NLRX1: variants seen among roughly 807,000 people sequenced by gnomAD.
NLRX1 encodes the protein NOD-like receptor X1.
A neutral mutation model predicts 74.2 loss-of-function variants in NLRX1; 67 were observed. That is an observed-to-expected ratio of 0.90 (90% CI 0.74 to 1.11). The LOEUF (loss-of-function observed/expected upper bound fraction) is 1.11, where lower values mean the gene tolerates loss of function less well. NLRX1 is among the 50% of genes least tolerant of loss of function. The pLI is 0.00. For synonymous variants in NLRX1, 506 were observed against 559.1 expected, an observed-to-expected ratio of 0.91 and a Z score of 1.34; for missense variants, 1,191 against 1,305.4, an observed-to-expected ratio of 0.91 and a Z score of 1.35.
At chr11:119,180,821 A>G (rs1948819540) in intron 7 of NLRX1, among the ~76,000 whole-genome samples, 1 of 152,006 alleles carries the variant, frequency 6.6e-6, no homozygotes, top group Non-Finnish European at 1.5e-5. Context: ...CAGAAGCATC[A>G]CTTGAGCCTA....
rs571556746 is a variant in NLRX1, at chr11:119,183,926, C to A, written c.*487C>A. ...GGTGCTTTCTCCTCATCCTCATGCC[C>A]CCTTTGCCACAATGGTATGATGGCT... On this transcript the variant is annotated 3_prime_UTR_variant, in exon 10 of 10. Coordinates refer to ENST00000409109, the MANE Select transcript of NLRX1 (RefSeq NM_001282144.2). This position sits in a 1 kb window ranked among gnomAD's most constrained non-coding sequence, Gnocchi z 5.7. The A allele has an allele frequency of 1.3e-6, 1 of 780,290 alleles. No homozygotes were observed. The highest frequency in any genetic ancestry group is 1.7e-5 in the Admixed American group (1 of 58,944). 48.3% of individuals were successfully genotyped at this position (780,290 alleles called of 1,614,324 possible). A position where few individuals can be genotyped will look rare whatever the true frequency, so the allele number is the denominator to read the frequency against.
chr11:119,183,928 C>T lies in NLRX1; in HGVS notation c.*489C>T. The T allele has an allele frequency of 1.3e-6, 1 of 780,278 alleles. No individual in the cohort carries two copies. The highest frequency in any genetic ancestry group is 2.4e-6 in the Non-Finnish European group (1 of 417,722). 48.3% of individuals were successfully genotyped at this position (780,278 alleles called of 1,614,324 possible). ...TGCTTTCTCCTCATCCTCATGCCCCCTTTGCCACAATGGTATGATGGCTTG... is the reference window on the plus strand; with the variant it reads ...TGCTTTCTCCTCATCCTCATGCCCCTTTTGCCACAATGGTATGATGGCTTG... On this transcript the variant is annotated 3_prime_UTR_variant, in exon 10 of 10. Transcript: ENST00000409109. The surrounding 1 kb of genome is among the most constrained non-coding windows in gnomAD (Gnocchi z 5.7).
In NLRX1 at chr11:119,172,420, C is replaced by A; in HGVS notation, c.135C>A (p.Pro45=). Residue 45 remains proline (P), a synonymous_variant, in exon 3 of 10, where the codon CCC becomes CCA. Coordinates refer to ENST00000409109, the MANE Select transcript of NLRX1 (RefSeq NM_001282144.2). ...TTCAAGGGGAGCGTCCCTTTGGGCC[C>A]CCTAGGTGAGGCCTGGGTGTCATAC... ...WPLQGERPFG[P]PRAFIRHHGS... The A allele has an allele frequency of 1.2e-6, 2 of 1,612,014 alleles. No individual in the cohort carries two copies. Among genetic ancestry groups the A allele is most frequent in the Non-Finnish European group, 1.7e-6 (2 of 1,178,088 alleles).
chr11:119,171,462 T>A lies in NLRX1; in HGVS notation c.59T>A (p.Leu20His). Reference sequence around the variant, plus strand: ...TGGGGCTCTGGTTTTAGAAGAGCACTCCAGCGACCAGGTGAGCAGGAAGCA... The same window carrying A: ...TGGGGCTCTGGTTTTAGAAGAGCACACCAGCGACCAGGTGAGCAGGAAGCA... ...ASWGSGFRRA[L>H]QRPDDRIPFL... Residue 20 changes from leucine to histidine, a missense_variant, in exon 2 of 10, where the codon CTC becomes CAC. Transcript: ENST00000409109. 1 of 1,613,078 alleles carries A rather than the reference T, an allele frequency of 6.2e-7. No individual in the cohort carries two copies. Among genetic ancestry groups the A allele is most frequent in the Non-Finnish European group, 8.5e-7 (1 of 1,179,068 alleles).
rs748572091 is a variant in NLRX1, at chr11:119,172,938, G to A, written c.178G>A (p.Ala60Thr). 24 of 1,613,766 alleles carry A rather than the reference G, an allele frequency of 1.5e-5. No individual in the cohort carries two copies. Among genetic ancestry groups the A allele is most frequent in the East Asian group, 6.7e-5 (3 of 44,850 alleles). Reference protein sequence around the residue: ...IRHHGSSVDSAPPPGRHGRLF... With the variant: ...IRHHGSSVDSTPPPGRHGRLF... The stretch of plus-strand genomic sequence containing the variant: ...CCACCACGGAAGCTCGGTAGATAGC[G>A]CTCCCCCACCCGGGAGGCATGGACG... Residue 60 changes from alanine to threonine, a missense_variant, in exon 4 of 10, where the codon GCT (alanine) becomes ACT (threonine). Ala to Thr is a moderately conservative substitution (Grantham distance 58). Transcript: ENST00000409109.
intron 6 of NLRX1, among the ~76,000 whole-genome samples, chr11:119,176,087 G>A (rs2135173893): frequency 6.6e-6 from 1 of 152,302 alleles, no homozygotes; most frequent in East Asian, 1.9e-4. Flanking sequence ...TGCTCTTTCT[G>A]CCAAACTATA....
chr11:119,179,633 C>A (rs1948779300), intron 6 of NLRX1, 60 bp from the exon 7 acceptor site: 5 of 1,460,958 alleles, frequency 3.4e-6, no homozygotes, highest in South Asian at 1.3e-5. Flanking sequence ...TTAAGCTGAA[C>A]CTTGAAGGCT....
chr11:119,177,205 C>T (rs1948721055), intron 6 of NLRX1, among the ~76,000 whole-genome samples: 1 of 151,868 alleles, frequency 6.6e-6, no homozygotes, highest in South Asian at 2.1e-4. Context: ...GCTCAGCCTC[C>T]CAAGTAGCTG....
intron 1 of NLRX1, among the ~76,000 whole-genome samples, chr11:119,169,670 G>A (rs898881970): frequency 1.3e-5 from 2 of 152,222 alleles, no homozygotes; most frequent in African/African-American, 4.8e-5. Context: ...ACTTCCCAGG[G>A]ACGGAGACTT....
chr11:119,168,835 C>T lies in NLRX1; in HGVS notation c.-516C>T, dbSNP rs1404788969. ...ACCGGGCCCCTCTCGCTGACCCCCT[C>T]GTCCCAGGACCCCGCAGGCCCGAGT... On this transcript the variant is annotated 5_prime_UTR_variant, in exon 1 of 10. Coordinates refer to ENST00000409109, the MANE Select transcript of NLRX1 (RefSeq NM_001282144.2). 6.6e-6 allele frequency: 1 copy of T among 152,256 alleles called. No homozygotes were observed. Among genetic ancestry groups the T allele is most frequent in the Non-Finnish European group, 1.5e-5 (1 of 68,074 alleles). The allele number at this position is 152,256 out of a possible 1,614,324, so 9.4% of individuals were successfully genotyped here. A position where few individuals can be genotyped will look rare whatever the true frequency, so the allele number is the denominator to read the frequency against.
intron 6 of NLRX1, among the ~76,000 whole-genome samples, chr11:119,177,222 C>T (rs1005581412): frequency 8.6e-5 from 13 of 151,854 alleles, no homozygotes; most frequent in African/African-American, 3.1e-4. Flanking sequence ...GCTGGGACTA[C>T]AGGCACCTGC....
In NLRX1 at chr11:119,183,179, G is replaced by A. The variant is rs943587010; in HGVS notation, c.2668G>A (p.Ala890Thr). 1.2e-6 allele frequency: 2 copies of A among 1,614,094 alleles called. No individual in the cohort carries two copies. The highest frequency in any genetic ancestry group is 2.7e-5 in the African/African-American group (2 of 74,942). ...RQVLRDLGGA[A>T]EGGARVVVSL... ...GGTCTTGCGAGACTTGGGGGGTGCT[G>A]CTGAAGGTGGTGCCCGGGTGGTGGT... The change falls in exon 10 of 10, where the codon GCT becomes ACT. Residue 890 changes from alanine (A) to threonine (T), a missense_variant. Physicochemically the swap from Ala to Thr is moderately conservative, Grantham distance 58 (BLOSUM62 0). Coordinates refer to ENST00000409109, the MANE Select transcript of NLRX1 (RefSeq NM_001282144.2). This position sits in a 1 kb window ranked among gnomAD's most constrained non-coding sequence, Gnocchi z 5.7.
At position 119,180,064 on chromosome 11, in the gene NLRX1, C is replaced by A. The variant is rs753163071; in HGVS notation, c.2043C>A (p.Phe681Leu). 1.2e-6 allele frequency: 2 copies of A among 1,613,694 alleles called. No homozygotes were observed. Among genetic ancestry groups the A allele is most frequent in the South Asian group, 2.2e-5 (2 of 91,086 alleles). Residue 681 changes from phenylalanine (F) to leucine (L), a missense_variant, in exon 7 of 10, where the codon TTC (phenylalanine) becomes TTA (leucine). Physicochemically the swap from Phe to Leu is conservative, Grantham distance 22. Transcript: ENST00000409109. The part of the protein sequence containing the change: ...PPSELLDHLF[F>L]HYEFQNQRFS... Reference sequence around the variant, plus strand: ...CAGAGCTCCTTGACCACCTCTTCTTCCACTATGAGTTCCAGAACCAGCGCT... The same window carrying A: ...CAGAGCTCCTTGACCACCTCTTCTTACACTATGAGTTCCAGAACCAGCGCT...
rs775612228 is a variant in NLRX1, at chr11:119,182,325, C to T, written c.2586C>T (p.His862=). ...CCCTGGCCAGAGCTGCCCGGGAGCA[C>T]CCTTCCCTGGAACTGCTACAGTGAG... is the stretch of plus-strand genomic sequence containing the variant. The part of the protein sequence containing the change: ...ALALARAARE[H]PSLELLHLYF... The change falls in exon 9 of 10, where the codon CAC becomes CAT. Residue 862 remains histidine, a synonymous_variant. Coordinates refer to ENST00000409109, the MANE Select transcript of NLRX1 (RefSeq NM_001282144.2). 1 of 1,612,788 alleles carries T rather than the reference C, an allele frequency of 6.2e-7. No individual in the cohort carries two copies. Among genetic ancestry groups the T allele is most frequent in the South Asian group, 1.1e-5 (1 of 91,026 alleles).
rs1289028424 is a variant in NLRX1 at position 119,174,053 on chromosome 11, A to C, written c.804A>C (p.Pro268=). The change falls in exon 5 of 10, where the codon CCA becomes CCC. Residue 268 remains proline, a synonymous_variant. Transcript: ENST00000409109. ...GTGACCCGGAGGAACCGCAGGAACCAGCTGCTATCATCGTCAACCTGCTGC... is the reference window on the plus strand; with the variant it reads ...GTGACCCGGAGGAACCGCAGGAACCCGCTGCTATCATCGTCAACCTGCTGC... ...LCSDPEEPQE[P]AAIIVNLLRK... 6.2e-7 allele frequency: 1 copy of C among 1,614,048 alleles called. No individual in the cohort carries two copies. Among genetic ancestry groups the C allele is most frequent in the Admixed American group, 1.7e-5 (1 of 60,006 alleles).
chr11:119,180,028 G>A lies in NLRX1; in HGVS notation c.2007G>A (p.Val669=), dbSNP rs749527926. The A allele has an allele frequency of 1.2e-6, 2 of 1,613,656 alleles. No individual in the cohort carries two copies. The highest frequency in any genetic ancestry group is 1.3e-5 in the African/African-American group (1 of 75,088). ...AGCTGGGCAAGCTGGGCCGGCAGGT[G>A]CTGCCCCCATCAGAGCTCCTTGACC... ...KKKLGKLGRQ[V]LPPSELLDHL... Residue 669 remains valine, a synonymous_variant, in exon 7 of 10, where the codon GTG becomes GTA. Transcript: ENST00000409109.
chr11:119,169,103 G>T lies in NLRX1; in HGVS notation c.-248G>T, dbSNP rs1025847193. 5 of 152,544 alleles carry T rather than the reference G, an allele frequency of 3.3e-5. No homozygotes were observed. Among genetic ancestry groups the T allele is most frequent in the Non-Finnish European group, 5.9e-5 (4 of 68,298 alleles). 9.4% of individuals were successfully genotyped at this position (152,544 alleles called of 1,614,324 possible). ...TGGCTGGGAGGCCGCGCTGAGCGGG[G>T]GGCAGGGCGGGCCGGGGGAGGAGGC... On this transcript the variant is annotated 5_prime_UTR_variant, in exon 1 of 10. Coordinates refer to ENST00000409109, the MANE Select transcript of NLRX1 (RefSeq NM_001282144.2).
chr11:119,174,671 G>A lies in NLRX1; in HGVS notation c.1068G>A (p.Arg356=). The part of the protein sequence containing the change: ...QRDHLVQMLS[R]NLEGHHQIAA... ...ACCACCTGGTGCAGATGCTCTCCCGGAACCTGGAGGGGCACCACCAGATAG... is the reference window on the plus strand; with the variant it reads ...ACCACCTGGTGCAGATGCTCTCCCGAAACCTGGAGGGGCACCACCAGATAG... Residue 356 remains arginine, a synonymous_variant, in exon 6 of 10, where the codon CGG becomes CGA. Transcript: ENST00000409109. The A allele has an allele frequency of 6.2e-7, 1 of 1,613,988 alleles. No individual in the cohort carries two copies. The highest frequency in any genetic ancestry group is 8.5e-7 in the Non-Finnish European group (1 of 1,180,044).
rs1255687102 is a variant in NLRX1 at position 119,175,366 on chromosome 11, C to T, written c.1671+92C>T. 5 of 1,057,320 alleles carry T rather than the reference C, an allele frequency of 4.7e-6. No homozygotes were observed. In the Admixed American group the frequency reaches 1.1e-4, roughly 23 times the overall value. 65.5% of individuals were successfully genotyped at this position (1,057,320 alleles called of 1,614,324 possible). The stretch of plus-strand genomic sequence containing the variant: ...GCCCCCACATGGTTCCCTGTTCACC[C>T]CTTGCTCCTCTCCCAGCAGGAAACT... On this transcript the variant is annotated intron_variant, in intron 6 of 9. Transcript: ENST00000409109.
Sources: allele counts gnomAD v4.1 joint callset (sites outside exome capture counted in the v4.1 genomes callset), GRCh38; gene constraint gnomAD v4.1.1; non-coding constraint Gnocchi (gnomAD v3.1); transcripts MANE v1.5; gene names NCBI Gene and HGNC (gene_info 2026-07-23, HGNC 2026-07-21).